The following CAPN9 variants were observed in gnomAD, a reference collection of about 807,000 sequenced individuals.
CAPN9 encodes calpain 9.
In CAPN9, 81 loss-of-function variants were observed where a neutral mutation model predicts 92.8. The observed-to-expected ratio is 0.87, with a 90% CI of 0.73 to 1.05. The LOEUF is 1.05. Ranked by LOEUF, CAPN9 falls within the 50% of genes least tolerant of loss-of-function variation. The probability of loss-of-function intolerance (pLI) is 0.00; values close to 1 mark genes in which losing one functional copy is unlikely to be tolerated. For synonymous variants in CAPN9, 304 were observed against 328.0 expected (o/e 0.93, Z 0.79); for missense variants, 848 against 866.2 (o/e 0.98, Z 0.26).
intron 19 of CAPN9, among the ~76,000 whole-genome samples, chr1:230,801,348 C>T (rs1668715799): frequency 6.6e-6 from 1 of 152,220 alleles, no homozygotes; most frequent in South Asian, 2.1e-4. Flanking sequence ...TTGATATGAG[C>T]TCACTTGGAA....
At chr1:230,792,962 G>A in intron 17 of CAPN9, 34 bp downstream of exon 17, 4 of 1,531,272 alleles carry the variant, frequency 2.6e-6, no homozygotes, top group Non-Finnish European at 3.6e-6. Flanking sequence ...GTGGCTGACT[G>A]CATGCCAGGT....
intron 14 of CAPN9, 126 bp from the exon 15 acceptor site, chr1:230,791,738 A>G: frequency 1.5e-6 from 1 of 658,276 alleles, no homozygotes; most frequent in Non-Finnish European, 2.7e-6. Context: ...CCAGCATCAT[A>G]AGAGAGTAGC....
chr1:230,759,417 C>G (rs962757296), intron 2 of CAPN9, 95 bp from the exon 3 acceptor site: 2 of 813,180 alleles, frequency 2.5e-6, no homozygotes, highest in Non-Finnish European at 4.0e-6. Context: ...GATGTGGCCA[C>G]ATCTGAAACT....
chr1:230,752,310 G>A (rs1028875717), intron 1 of CAPN9, among the ~76,000 whole-genome samples: 13 of 152,140 alleles, frequency 8.5e-5, no homozygotes, highest in African/African-American at 3.1e-4. Flanking sequence ...TGACTGGCAC[G>A]TGTGCACACC....
chr1:230,770,957 G>A (rs1666353245), intron 6 of CAPN9, among the ~76,000 whole-genome samples: 1 of 152,210 alleles, frequency 6.6e-6, no homozygotes, highest in Non-Finnish European at 1.5e-5. Context: ...TCTTTAGAAT[G>A]TTAGCTATTT....
intron 11 of CAPN9, among the ~76,000 whole-genome samples, chr1:230,781,445 A>G: frequency 6.6e-6 from 1 of 152,176 alleles, no homozygotes; most frequent in South Asian, 2.1e-4. Context: ...TTTCAGCTCC[A>G]ATTTAAATAA....
At chr1:230,788,877 A>G (rs1667787392) in intron 13 of CAPN9, among the ~76,000 whole-genome samples, 1 of 152,194 alleles carries the variant, frequency 6.6e-6, no homozygotes, top group African/African-American at 2.4e-5. Context: ...GGAGATCCAG[A>G]GTTTGGAAGG....
At chr1:230,765,259 A>ACACACACACACACACAC (rs1665908733) in intron 4 of CAPN9, among the ~76,000 whole-genome samples, 1 of 146,176 alleles carries the variant, frequency 6.8e-6, no homozygotes, top group Non-Finnish European at 1.5e-5. Flanking sequence ...ACACACACAC[A>ACACACACACACACACAC]AATGAGGTTA....
intron 3 of CAPN9, among the ~76,000 whole-genome samples, chr1:230,760,342 C>T (rs751600352): frequency 1.3e-5 from 2 of 152,204 alleles, no homozygotes; most frequent in Non-Finnish European, 2.9e-5. Flanking sequence ...TCCCTGCAGG[C>T]TTCCCGTAGA....
chr1:230,761,357 C>G (rs1665623048), intron 3 of CAPN9, among the ~76,000 whole-genome samples: 1 of 152,142 alleles, frequency 6.6e-6, no homozygotes, highest in Non-Finnish European at 1.5e-5. Context: ...GCCCCCTGAG[C>G]CAGCCCCTCT....
intron 14 of CAPN9, among the ~76,000 whole-genome samples, chr1:230,790,890 G>A (rs1480477382): frequency 6.6e-6 from 1 of 152,202 alleles, no homozygotes; most frequent in Non-Finnish European, 1.5e-5. Context: ...GGTGGAGTTT[G>A]CAGTGAACCA....
intron 16 of CAPN9, 136 bp downstream of exon 16, chr1:230,792,630 A>G: frequency 3.7e-6 from 3 of 800,330 alleles, no homozygotes. Context: ...GGAAAACAGC[A>G]TCATGCTATT....
chr1:230,758,118 G>C (rs1173976499), intron 2 of CAPN9, among the ~76,000 whole-genome samples: 1 of 152,184 alleles, frequency 6.6e-6, no homozygotes, highest in Non-Finnish European at 1.5e-5. Context: ...CCCGCCAAAA[G>C]CTCAGAGCAT....
chr1:230,752,516 A>C (rs1664913748), intron 1 of CAPN9: 1 of 171,772 alleles, frequency 5.8e-6, no homozygotes, highest in African/African-American at 2.4e-5. Flanking sequence ...AACCAATTGC[A>C]AGATAGGAGC....
intron 12 of CAPN9, among the ~76,000 whole-genome samples, chr1:230,787,153 G>C (rs1667648058): frequency 6.6e-6 from 1 of 152,214 alleles, no homozygotes; most frequent in African/African-American, 2.4e-5. Context: ...GATTTTACCA[G>C]CTATCAAAAC....
In CAPN9 at chr1:230,766,084, C is replaced by CTT. The variant is rs59596870; in HGVS notation, c.537-1450_537-1449dup. Reference sequence around the variant, plus strand: ...CCTTCCACTAACCAATAGCCCCACTCTTTTTTTTATTATTATTTACTTTTT... The same window carrying CTT: ...CCTTCCACTAACCAATAGCCCCACTCTTTTTTTTTTATTATTATTTACTTTTT... On this transcript the variant is annotated intron_variant, in intron 4 of 19. Transcript: ENST00000271971. Among the ~76,000 whole-genome samples, 12 of 151,384 alleles carry CTT rather than the reference C, an allele frequency of 7.9e-5. No homozygotes were observed. In the South Asian group the frequency reaches 8.4e-4, roughly 11 times the overall value.
rs1667561179 is a variant in CAPN9 at position 230,786,031 on chromosome 1, T to C, written c.1518+14T>C. 3.1e-6 allele frequency: 5 copies of C among 1,613,508 alleles called. No homozygotes were observed. Among genetic ancestry groups the C allele is most frequent in the Non-Finnish European group, 4.2e-6 (5 of 1,179,400 alleles). On this transcript the variant is annotated intron_variant, in intron 12 of 19. Coordinates refer to ENST00000271971, the MANE Select transcript of CAPN9 (RefSeq NM_006615.3). ...GACCTTCCTGAGGTGAGTCTTCTGA[T>C]GTTGCTATGGAGTATGGGATTCAGG...
Position 230,795,249 on chromosome 1 carries a change from A to C in CAPN9, c.1957A>C (p.Asn653His), listed in dbSNP as rs1377389208. ...ELQLDFDDFL[N>H]CLVRLENASR... ...CCAGCTGGACTTCGATGACTTCCTC[A>C]ACTGCCTGGTCCGGCTGGAGAATGC... The change falls in exon 18 of 20, where the codon AAC (asparagine) becomes CAC (histidine). Residue 653 changes from asparagine to histidine, a missense_variant. By Grantham distance (68) the Asn-to-His change is moderately conservative (BLOSUM62 1). Transcript: ENST00000271971. 1 of 1,612,814 alleles carries C rather than the reference A, an allele frequency of 6.2e-7. No individual in the cohort carries two copies.
In CAPN9 at chr1:230,792,859, C is replaced by T. The variant is rs1279806414; in HGVS notation, c.1801C>T (p.Leu601Phe). Residue 601 changes from leucine to phenylalanine, a missense_variant, in exon 17 of 20, where the codon CTT becomes TTT. Leu to Phe is a conservative substitution (Grantham distance 22). Coordinates refer to ENST00000271971, the MANE Select transcript of CAPN9 (RefSeq NM_006615.3). ...DKLKQWINLF[L>F]RFDADKSGTM... ...GCTCTCCACCCTTTAGAACCTTTTCCTTCGGTTTGATGCTGACAAGTCCGG... is the reference window on the plus strand; with the variant it reads ...GCTCTCCACCCTTTAGAACCTTTTCTTTCGGTTTGATGCTGACAAGTCCGG... 9.3e-6 allele frequency: 15 copies of T among 1,614,020 alleles called. No homozygotes were observed. Among genetic ancestry groups the T allele is most frequent in the African/African-American group, 1.3e-5 (1 of 75,068 alleles).
Sources: allele counts gnomAD v4.1 joint callset (sites outside exome capture counted in the v4.1 genomes callset), GRCh38; gene constraint gnomAD v4.1.1; transcripts MANE v1.5; gene names NCBI Gene and HGNC (gene_info 2026-07-23, HGNC 2026-07-21).